Variants in KLF13 observed in about 807,000 individuals in gnomAD.
KLF13 encodes the protein Krueppel-like factor 13.
A neutral mutation model predicts 16.7 loss-of-function variants in KLF13; 8 were observed. The ratio of observed to expected loss-of-function variants is 0.48; its 90% CI spans 0.28 to 0.87. The LOEUF (loss-of-function observed/expected upper bound fraction) is 0.87, where lower values mean the gene tolerates loss of function less well. Among genes scored for constraint, KLF13 ranks in the 40% least tolerant of loss-of-function variants. The pLI is 0.10. For missense variants in KLF13, 447 were observed against 452.2 expected (o/e 0.99, Z 0.10); for synonymous variants, 245 against 208.4 (o/e 1.18, Z -1.51).
intron 1 of KLF13, among the ~76,000 whole-genome samples, chr15:31,433,083 C>G (rs1473233000): frequency 2.0e-5 from 3 of 152,178 alleles, no homozygotes; most frequent in African/African-American, 7.2e-5. Flanking sequence ...TAATCTTGAG[C>G]TTTTTTTCTG....
chr15:31,405,764 C>T (rs546986587), downstream of KLF13, among the ~76,000 whole-genome samples: 1 of 152,262 alleles, frequency 6.6e-6, no homozygotes, highest in African/African-American at 2.4e-5. Flanking sequence ...CCCGGAACCA[C>T]AAAGGGGACC....
chr15:31,362,219 A>C lies in KLF13; in HGVS notation c.578-9791A>C, dbSNP rs146002093. ...ATCCTTTGCTGAATATTTGTCACCC[A>C]TAGCCTTTTAGGTCTGACCCGTTCT... On this transcript the variant is annotated intron_variant, in intron 1 of 1. Transcript: ENST00000307145. Among the ~76,000 whole-genome samples the C allele has an allele frequency of 1.2e-3, 185 of 152,298 alleles. 4 individuals carry two copies. The Middle Eastern group carries it at 0.037, about 31-fold the overall frequency.
At chr15:31,381,879 G>A (rs1437506136), downstream of KLF13, among the ~76,000 whole-genome samples, 1 of 152,208 alleles carries the variant, frequency 6.6e-6, no homozygotes. Context: ...ACCTGCTGCT[G>A]CCTGCACAGC....
At chr15:31,409,189 G>T (rs1021622950), downstream of KLF13, among the ~76,000 whole-genome samples, 1 of 152,038 alleles carries the variant, frequency 6.6e-6, no homozygotes, top group African/African-American at 2.4e-5. Context: ...GGAGGCTGAG[G>T]TGGGAGAATT....
intron 1 of KLF13, among the ~76,000 whole-genome samples, chr15:31,422,453 T>A (rs1246845688): frequency 1.3e-5 from 2 of 151,942 alleles, no homozygotes; most frequent in Non-Finnish European, 2.9e-5. Context: ...AACCATCAGA[T>A]CTCCTAAGAC....
chr15:31,366,770 C>T (rs1566820009), intron 1 of KLF13, among the ~76,000 whole-genome samples: 1 of 4,262 alleles, frequency 2.3e-4, no homozygotes, highest in Non-Finnish European at 5.8e-4. Context: ...CTCGGCTGCA[C>T]GCAGCCCCGC....
intron 1 of KLF13, among the ~76,000 whole-genome samples, chr15:31,361,197 C>A (rs938254117): frequency 6.6e-6 from 1 of 152,156 alleles, no homozygotes; most frequent in Non-Finnish European, 1.5e-5. Context: ...GTAGCCTCGC[C>A]GCACTGTGGG....
chr15:31,409,471 A>G (rs2040165888), downstream of KLF13, among the ~76,000 whole-genome samples: 1 of 152,024 alleles, frequency 6.6e-6, no homozygotes, highest in Non-Finnish European at 1.5e-5. Context: ...ACACCAAGCC[A>G]TAGATTCAAG....
At chr15:31,355,523 A>G (rs1048508555) in intron 1 of KLF13, among the ~76,000 whole-genome samples, 13 of 152,158 alleles carry the variant, frequency 8.5e-5, no homozygotes, top group African/African-American at 3.1e-4. Context: ...CAGCTTCTTC[A>G]GCTACTGCCT....
Position 31,424,875 on chromosome 15 carries a change from TCACACA to T in KLF13, n.118-10470_118-10465del, listed in dbSNP as rs71110875. On this transcript the variant is annotated intron_variant and non_coding_transcript_variant, in intron 1 of 1. Transcript: ENST00000558225. Reference sequence around the variant, plus strand: ...TTATATGTAGAAAATTCTAGAGATTTCACACACACACACACACACACACACACACAA... The same window carrying T: ...TTATATGTAGAAAATTCTAGAGATTTCACACACACACACACACACACACAA... Among the ~76,000 whole-genome samples the T allele has an allele frequency of 2.8e-3, 406 of 146,314 alleles. 3 individuals carry two copies. Among genetic ancestry groups the T allele is most frequent in the Middle Eastern group, 0.021 (6 of 290 alleles).
At chr15:31,421,978 G>A (rs1380033222) in intron 1 of KLF13, among the ~76,000 whole-genome samples, 4 of 152,000 alleles carry the variant, frequency 2.6e-5, no homozygotes, top group Non-Finnish European at 5.9e-5. Flanking sequence ...AGCAGGGCAT[G>A]GTGGCGTGCA....
At chr15:31,427,405 C>A (rs565234104) in intron 1 of KLF13, among the ~76,000 whole-genome samples, 1 of 151,968 alleles carries the variant, frequency 6.6e-6, no homozygotes, top group African/African-American at 2.4e-5. Flanking sequence ...GGAACCAGTA[C>A]GGCGATTCCT....
intron 1 of KLF13, among the ~76,000 whole-genome samples, chr15:31,335,866 T>C (rs559046937): frequency 2.7e-4 from 41 of 152,290 alleles, no homozygotes; most frequent in African/African-American, 9.4e-4. Context: ...CCACGCTGCA[T>C]CATGAAAGAG....
chr15:31,406,459 T>C (rs947551914), downstream of KLF13, among the ~76,000 whole-genome samples: 10 of 152,150 alleles, frequency 6.6e-5, no homozygotes, highest in African/African-American at 2.4e-4. Context: ...ATTACACCAC[T>C]GTGCTTCAGC....
intron 1 of KLF13, among the ~76,000 whole-genome samples, chr15:31,329,585 T>C (rs2038790277): frequency 6.6e-6 from 1 of 152,100 alleles, no homozygotes; most frequent in Non-Finnish European, 1.5e-5. Flanking sequence ...CGCTTCAGGC[T>C]CTGGCCCCGC....
intron 1 of KLF13, among the ~76,000 whole-genome samples, chr15:31,346,993 G>A (rs142181499): frequency 1.6e-3 from 250 of 152,302 alleles, no homozygotes; most frequent in Middle Eastern, 3.4e-3. Context: ...CATGGGTGAG[G>A]ACCTCAGTTC....
chr15:31,327,199 C>A lies in KLF13; in HGVS notation c.-14C>A. 7.5e-7 allele frequency: 1 copy of A among 1,327,240 alleles called. No individual in the cohort carries two copies. The highest frequency in any genetic ancestry group is 3.3e-5 in the East Asian group (1 of 29,934). The allele number at this position is 1,327,240 out of a possible 1,614,324, so 82.2% of individuals were successfully genotyped here. ...CTCGCAGCAAGAGCACCGCCGCCGG[C>A]CCCAGCCCGCAGCATGGCAGCCGCC... On this transcript the variant is annotated 5_prime_UTR_variant, in exon 1 of 2. Transcript: ENST00000307145.
chr15:31,339,899 A>G (rs2038993263), intron 1 of KLF13: 2 of 701,120 alleles, frequency 2.9e-6, no homozygotes, highest in Non-Finnish European at 5.2e-6. Context: ...TGCAGGCCTG[A>G]CCCTTCACCT....
chr15:31,390,782 T>G (rs1200349489), upstream of KLF13, among the ~76,000 whole-genome samples: 1 of 152,138 alleles, frequency 6.6e-6, no homozygotes, highest in East Asian at 1.9e-4. Context: ...GAATCAGGCT[T>G]CTGTGTCCCT....
Sources: allele counts gnomAD v4.1 joint callset (sites outside exome capture counted in the v4.1 genomes callset), GRCh38; gene constraint gnomAD v4.1.1; transcripts MANE v1.5; gene names NCBI Gene and HGNC (gene_info 2026-07-23, HGNC 2026-07-21).